Variants in CLPB observed in about 807,000 individuals in gnomAD.
The protein encoded by CLPB is ClpB family mitochondrial disaggregase.
A neutral mutation model predicts 78.4 loss-of-function variants in CLPB; 40 were observed. That is an observed-to-expected ratio of 0.51 (90% CI 0.40 to 0.66). The LOEUF (loss-of-function observed/expected upper bound fraction) is 0.66, where lower values mean the gene tolerates loss of function less well. CLPB is among the 30% of genes least tolerant of loss of function. The pLI is 0.00. For synonymous variants in CLPB, 333 were observed against 348.0 expected (o/e 0.96, Z 0.48); for missense variants, 780 against 886.9 (o/e 0.88, Z 1.53).
At chr11:72,393,283 A>T (rs1855307916) in intron 3 of CLPB, among the ~76,000 whole-genome samples, 1 of 152,224 alleles carries the variant, frequency 6.6e-6, no homozygotes. Context: ...ATGGACCCAG[A>T]CTAGGCTCTC....
At position 72,295,491 on chromosome 11, in the gene CLPB, C is replaced by A. The variant is rs1949533988; in HGVS notation, c.1486+1G>T. On this transcript the variant is annotated splice_donor_variant, in intron 12 of 15. Coordinates refer to ENST00000538039, the MANE Select transcript of CLPB (RefSeq NM_001258392.3). LOFTEE classifies it high-confidence loss of function. The stretch of plus-strand genomic sequence containing the variant: ...CAGACTGCTCAGGTCAGCCGCCATA[C>A]CCAGGTTTTCGGCAATACGGTTACG... 6.2e-7 allele frequency: 1 copy of A among 1,613,870 alleles called. No homozygotes were observed. Among genetic ancestry groups the A allele is most frequent in the Non-Finnish European group, 8.5e-7 (1 of 1,179,762 alleles).
chr11:72,349,913 G>A (rs1389013607), intron 5 of CLPB, among the ~76,000 whole-genome samples: 5 of 152,252 alleles, frequency 3.3e-5, no homozygotes, highest in Admixed American at 1.3e-4. Context: ...GCCTCCAGCT[G>A]CCACTACTGG....
chr11:72,300,622 C>A (rs148759706), intron 11 of CLPB, among the ~76,000 whole-genome samples: 36 of 152,264 alleles, frequency 2.4e-4, no homozygotes, highest in African/African-American at 8.7e-4. Flanking sequence ...GGTAGGAGAT[C>A]TGGATCTGGA....
At chr11:72,311,371 A>C (rs1949843736) in intron 7 of CLPB, among the ~76,000 whole-genome samples, 1 of 152,178 alleles carries the variant, frequency 6.6e-6, no homozygotes, top group African/African-American at 2.4e-5. Context: ...TCACTTCAAC[A>C]TTTCATTGTT....
intron 2 of CLPB, among the ~76,000 whole-genome samples, chr11:72,406,261 A>G (rs1855706787): frequency 6.6e-6 from 1 of 152,174 alleles, no homozygotes; most frequent in Admixed American, 6.5e-5. Flanking sequence ...CATGCCTCCA[A>G]GGGAACAATG....
In CLPB at chr11:72,287,594, T is replaced by G. The variant is rs1399317670; in HGVS notation, c.*5773A>C. The G allele has an allele frequency of 6.6e-6, 1 of 152,208 alleles. No individual in the cohort carries two copies. The highest frequency in any genetic ancestry group is 1.5e-5 in the Non-Finnish European group (1 of 68,054). The allele number at this position is 152,208 out of a possible 1,614,324, so 9.4% of individuals were successfully genotyped here. On this transcript the variant is annotated 3_prime_UTR_variant, in exon 16 of 16. Coordinates refer to ENST00000538039, the MANE Select transcript of CLPB (RefSeq NM_001258392.3). ...TTCCAAAGTGCTAGGATTACAGGTG[T>G]GGGCCACCACCATGCCTGGCCATCA...
rs532171708 is a variant in CLPB, at chr11:72,366,442, G to A, written c.647-7434C>T. On this transcript the variant is annotated intron_variant, in intron 4 of 15. Transcript: ENST00000538039. ...AGGGTTTCACCATGTTGGCCAGGCT[G>A]GTCTTGAACTTCTGACCATGGGTGA... Among the ~76,000 whole-genome samples, 108 of 152,148 alleles carry A rather than the reference G, an allele frequency of 7.1e-4. 1 individual carries two copies. The highest frequency in any genetic ancestry group is 6.8e-3 in the Middle Eastern group (2 of 294).
At chr11:72,377,648 C>T (rs1377412176) in intron 4 of CLPB, among the ~76,000 whole-genome samples, 2 of 55,574 alleles carry the variant, frequency 3.6e-5, no homozygotes, top group Non-Finnish European at 6.9e-5. Flanking sequence ...GAAAGGGAAG[C>T]AAAGGGGAAG....
At chr11:72,365,532 T>C (rs180714716) in intron 4 of CLPB, among the ~76,000 whole-genome samples, 58 of 152,270 alleles carry the variant, frequency 3.8e-4, no homozygotes, top group Non-Finnish European at 6.3e-4. Flanking sequence ...GAATATACTA[T>C]ATAAACCATT....
At chr11:72,346,759 C>G (rs1315265125) in intron 5 of CLPB, among the ~76,000 whole-genome samples, 2 of 151,722 alleles carry the variant, frequency 1.3e-5, no homozygotes, top group Non-Finnish European at 2.9e-5. Context: ...GGGTGGATCA[C>G]CTGAGGTCAG....
intron 2 of CLPB, among the ~76,000 whole-genome samples, chr11:72,419,903 C>T (rs1826098702): frequency 1.3e-5 from 2 of 152,174 alleles, no homozygotes; most frequent in Non-Finnish European, 2.9e-5. Flanking sequence ...ACATGTCTGA[C>T]TACTGATCTA....
intron 2 of CLPB, among the ~76,000 whole-genome samples, chr11:72,416,897 A>C (rs542438290): frequency 6.6e-6 from 1 of 152,340 alleles, no homozygotes; most frequent in Admixed American, 6.5e-5. Flanking sequence ...GTTTGCTGTA[A>C]GTGATGACAA....
intron 5 of CLPB, chr11:72,332,857 C>T (rs1319591719): frequency 1.3e-5 from 2 of 152,120 alleles, no homozygotes; most frequent in South Asian, 2.1e-4. Flanking sequence ...AGGTGATGAT[C>T]GACATTTAAG....
chr11:72,370,261 A>C (rs377456365), intron 4 of CLPB, among the ~76,000 whole-genome samples: 52 of 152,286 alleles, frequency 3.4e-4, no homozygotes, highest in African/African-American at 1.2e-3. Flanking sequence ...AAATGCATCA[A>C]ATTTATTCTG....
intron 5 of CLPB, among the ~76,000 whole-genome samples, chr11:72,335,496 A>G (rs1315766521): frequency 6.6e-6 from 1 of 152,144 alleles, no homozygotes; most frequent in Non-Finnish European, 1.5e-5. Flanking sequence ...TTCATATATG[A>G]GTCCCAGATT....
chr11:72,400,630 C>T (rs1855534027), intron 3 of CLPB, among the ~76,000 whole-genome samples: 2 of 152,308 alleles, frequency 1.3e-5, no homozygotes, highest in Non-Finnish European at 2.9e-5. Context: ...CTATTTCTTG[C>T]AGAGGGAAAC....
At chr11:72,327,937 C>T (rs1950158790) in intron 6 of CLPB, among the ~76,000 whole-genome samples, 1 of 152,180 alleles carries the variant, frequency 6.6e-6, no homozygotes, top group African/African-American at 2.4e-5. Flanking sequence ...CTTCCCTTCT[C>T]CAGAAGAAAC....
chr11:72,374,864 G>T (rs1333042741), intron 4 of CLPB, among the ~76,000 whole-genome samples: 3 of 152,000 alleles, frequency 2.0e-5, no homozygotes, highest in Non-Finnish European at 4.4e-5. Flanking sequence ...TCCTTTCTTT[G>T]GGCAATTTTG....
At chr11:72,360,094 C>T (rs1178612634) in intron 4 of CLPB, among the ~76,000 whole-genome samples, 1 of 152,234 alleles carries the variant, frequency 6.6e-6, no homozygotes, top group African/African-American at 2.4e-5. Context: ...ACTCTCTCCC[C>T]TGCTCAGGCA....
Sources: gnomAD v4.1 joint callset for allele counts (sites outside exome capture counted in the v4.1 genomes callset) on GRCh38, gnomAD v4.1.1 for gene constraint, MANE v1.5 for transcripts, NCBI Gene and HGNC (gene_info 2026-07-23, HGNC 2026-07-21) for gene names.